The following TLE4 variants were observed in gnomAD, a reference collection of about 807,000 sequenced individuals.
The protein encoded by TLE4 is transducin-like enhancer protein 4.
In TLE4, 8 loss-of-function variants were observed where a neutral mutation model predicts 92.8. That is an observed-to-expected ratio of 0.09 (90% CI 0.05 to 0.16). The LOEUF is 0.16. Ranked by LOEUF, TLE4 falls within the 10% of genes least tolerant of loss-of-function variation. The pLI is 1.00. For missense variants in TLE4, 675 were observed against 997.6 expected (o/e 0.68, Z 4.36); for synonymous variants, 371 against 374.1 (o/e 0.99, Z 0.10).
At chr9:79,613,512 C>G (rs1279263976) in intron 5 of TLE4, among the ~76,000 whole-genome samples, 1 of 151,914 alleles carries the variant, frequency 6.6e-6, no homozygotes, top group Non-Finnish European at 1.5e-5. Flanking sequence ...TAATTTTTTG[C>G]TTCTGGATTA....
chr9:79,667,074 C>T (rs1402486577), intron 8 of TLE4, among the ~76,000 whole-genome samples: 2 of 152,238 alleles, frequency 1.3e-5, no homozygotes, highest in Non-Finnish European at 2.9e-5. Flanking sequence ...TTCAAAGCTT[C>T]ATCGAACCCC....
At chr9:79,661,473 T>C (rs1349844394) in intron 8 of TLE4, among the ~76,000 whole-genome samples, 1 of 152,202 alleles carries the variant, frequency 6.6e-6, no homozygotes, top group Admixed American at 6.5e-5. Context: ...GAGAGTCATA[T>C]CTGATTACTG....
chr9:79,652,287 C>T (rs1383097726), intron 6 of TLE4, among the ~76,000 whole-genome samples: 2 of 151,936 alleles, frequency 1.3e-5, no homozygotes, highest in Admixed American at 6.6e-5. Context: ...CCCGGGTTCA[C>T]GCCATTCTCC....
intron 6 of TLE4, among the ~76,000 whole-genome samples, chr9:79,647,546 T>G (rs1009384578): frequency 6.6e-6 from 1 of 152,156 alleles, no homozygotes; most frequent in African/African-American, 2.4e-5. Flanking sequence ...ACAAGCAGCT[T>G]TTTTATTTCT....
intron 8 of TLE4, among the ~76,000 whole-genome samples, chr9:79,700,163 G>T (rs927236419): frequency 6.7e-6 from 1 of 150,286 alleles, no homozygotes; most frequent in Non-Finnish European, 1.5e-5. Flanking sequence ...AGCCCGTGGG[G>T]CTGAGAATGG....
chr9:79,663,143 G>T (rs974457947), intron 8 of TLE4, among the ~76,000 whole-genome samples: 19 of 152,130 alleles, frequency 1.2e-4, no homozygotes, highest in Non-Finnish European at 1.5e-4. Flanking sequence ...ATTGGGACTC[G>T]CACAGCTAGC....
intron 8 of TLE4, among the ~76,000 whole-genome samples, chr9:79,686,792 A>G (rs948683626): frequency 6.6e-6 from 1 of 152,146 alleles, no homozygotes; most frequent in African/African-American, 2.4e-5. Flanking sequence ...GCTTTAAGCC[A>G]CCTAGTTTGT....
intron 8 of TLE4, among the ~76,000 whole-genome samples, chr9:79,694,028 C>T (rs894401845): frequency 3.9e-5 from 6 of 152,144 alleles, no homozygotes; most frequent in Non-Finnish European, 7.3e-5. Context: ...CCTAAAAGGA[C>T]ATGTTAGAAT....
chr9:79,677,870 A>G (rs1303702688), intron 8 of TLE4, among the ~76,000 whole-genome samples: 1 of 152,104 alleles, frequency 6.6e-6, no homozygotes, highest in Non-Finnish European at 1.5e-5. Context: ...GATTCTACAC[A>G]TTTATCAAAC....
chr9:79,707,123 A>G (rs1200213513), intron 11 of TLE4: 4 of 1,612,820 alleles, frequency 2.5e-6, no homozygotes, highest in Admixed American at 3.3e-5. Flanking sequence ...GCAAGGATAG[A>G]AGAGGGATAT....
At chr9:79,712,894 C>T (rs1331177090) in intron 14 of TLE4, among the ~76,000 whole-genome samples, 1 of 152,196 alleles carries the variant, frequency 6.6e-6, no homozygotes, top group Non-Finnish European at 1.5e-5. Context: ...TAAAAGATCT[C>T]ACGTTAGTGG....
intron 4 of TLE4, among the ~76,000 whole-genome samples, chr9:79,606,028 G>A (rs1228311054): frequency 6.6e-6 from 1 of 151,844 alleles, no homozygotes; most frequent in African/African-American, 2.4e-5. Flanking sequence ...GTTATAGACA[G>A]TATCCTTTTC....
intron 5 of TLE4, among the ~76,000 whole-genome samples, chr9:79,620,640 G>C (rs1049934217): frequency 6.6e-6 from 1 of 152,182 alleles, no homozygotes; most frequent in African/African-American, 2.4e-5. Flanking sequence ...CTGTGTTTGT[G>C]TACGTGTATG....
chr9:79,722,775 C>T (rs1474823230), intron 18 of TLE4, among the ~76,000 whole-genome samples, 174 bp downstream of exon 18: 1 of 152,178 alleles, frequency 6.6e-6, no homozygotes, highest in Non-Finnish European at 1.5e-5. Flanking sequence ...TGGCATTAAT[C>T]CACTTTAACC....
intron 8 of TLE4, among the ~76,000 whole-genome samples, chr9:79,664,427 GC>G (rs540874999): frequency 3.6e-4 from 55 of 152,228 alleles, no homozygotes; most frequent in Non-Finnish European, 6.8e-4. Flanking sequence ...CCTTGGCCCA[GC>G]CCCCGCCTCA....
At chr9:79,631,660 G>A (rs1377814555) in intron 6 of TLE4, among the ~76,000 whole-genome samples, 2 of 148,710 alleles carry the variant, frequency 1.3e-5, no homozygotes, top group African/African-American at 5.1e-5. Context: ...GTGTGTGTGT[G>A]TGTTTTCTAC....
chr9:79,613,221 A>G (rs1293007730), intron 5 of TLE4, among the ~76,000 whole-genome samples: 1 of 152,094 alleles, frequency 6.6e-6, no homozygotes, highest in East Asian at 1.9e-4. Context: ...TGCTTTTGGG[A>G]AAAGACCTGC....
chr9:79,702,253 T>C (rs1364315427), intron 8 of TLE4, among the ~76,000 whole-genome samples: 1 of 152,168 alleles, frequency 6.6e-6, no homozygotes, highest in African/African-American at 2.4e-5. Flanking sequence ...TTTTTCCCCC[T>C]GTGAACAGTA....
chr9:79,573,167 C>T (rs2036368760), intron 1 of TLE4: 4 of 869,564 alleles, frequency 4.6e-6, no homozygotes, highest in South Asian at 5.0e-5. Flanking sequence ...CGCGCCCGGG[C>T]GGGGAGGGCG....
Sources: gnomAD v4.1 joint callset for allele counts (sites outside exome capture counted in the v4.1 genomes callset) on GRCh38, gnomAD v4.1.1 for gene constraint, MANE v1.5 for transcripts, NCBI Gene and HGNC (gene_info 2026-07-23, HGNC 2026-07-21) for gene names.